NOL4: variants seen among roughly 807,000 people sequenced by gnomAD.
NOL4 encodes cancer/testis antigen 125.
NOL4 carries 17 observed loss-of-function variants against 75.9 expected under a neutral mutation model. That is an observed-to-expected ratio of 0.22 (90% CI 0.15 to 0.34). The LOEUF (loss-of-function observed/expected upper bound fraction) is 0.34. NOL4 is among the 10% of genes least tolerant of loss of function. The probability of loss-of-function intolerance (pLI) is 1.00; values close to 1 mark genes in which losing one functional copy is unlikely to be tolerated. For synonymous variants in NOL4, 292 were observed against 289.9 expected, an observed-to-expected ratio of 1.01 and a Z score of -0.07; for missense variants, 614 against 793.5, an observed-to-expected ratio of 0.77 and a Z score of 2.72.
intron 9 of NOL4, among the ~76,000 whole-genome samples, chr18:33,931,492 A>G (rs1459273321): frequency 1.3e-5 from 2 of 152,088 alleles, no homozygotes; most frequent in African/African-American, 4.8e-5. Flanking sequence ...GTACTTTGGG[A>G]GGCCGAAGTT....
intron 6 of NOL4, among the ~76,000 whole-genome samples, chr18:33,992,817 C>G (rs1275880568): frequency 6.6e-6 from 1 of 152,016 alleles, no homozygotes; most frequent in Non-Finnish European, 1.5e-5. Context: ...GTAGAGGTGT[C>G]AGTTGGAGAG....
chr18:33,883,834 T>C (rs1197842222), intron 9 of NOL4, among the ~76,000 whole-genome samples: 1 of 152,134 alleles, frequency 6.6e-6, no homozygotes, highest in Non-Finnish European at 1.5e-5. Flanking sequence ...AAGGACATTG[T>C]GCAAAGTGAT....
intron 10 of NOL4, among the ~76,000 whole-genome samples, chr18:33,868,754 G>C (rs2063554027): frequency 6.6e-6 from 1 of 150,626 alleles, no homozygotes; most frequent in African/African-American, 2.4e-5. Flanking sequence ...TTGGGACAAT[G>C]AAAATCTATA....
Position 34,093,465 on chromosome 18 carries a change from C to A in NOL4, c.772G>T (p.Asp258Tyr). Residue 258 changes from aspartate to tyrosine, a missense_variant and splice_region_variant, in exon 5 of 11, where the codon GAT (aspartate) becomes TAT (tyrosine). By Grantham distance (160) the Asp-to-Tyr change is radical. Around this residue, in one of 9 missense-constraint regions of NOL4, gnomAD observed 135 missense variants for 220.4 expected, o/e 0.61. Transcript: ENST00000261592. ...TATTTAGTCAAACTGAAAGGCTTAC[C>A]ATCTTGCTGGCCATGAAGATTCTGG... is the stretch of plus-strand genomic sequence containing the variant. ...SPQNLHGQQD[D>Y]DSAAESFNGN... 1 of 1,572,568 alleles carries A rather than the reference C, an allele frequency of 6.4e-7. No homozygotes were observed. The highest frequency in any genetic ancestry group is 8.6e-7 in the Non-Finnish European group (1 of 1,157,202).
At chr18:34,065,494 C>A (rs929881087) in intron 5 of NOL4, among the ~76,000 whole-genome samples, 1 of 151,890 alleles carries the variant, frequency 6.6e-6, no homozygotes, top group Non-Finnish European at 1.5e-5. Context: ...AAAGTAACTA[C>A]CCAATAATTT....
At chr18:33,862,480 G>A (rs963675612) in intron 10 of NOL4, among the ~76,000 whole-genome samples, 25 of 151,982 alleles carry the variant, frequency 1.6e-4, no homozygotes, top group Admixed American at 1.2e-3. Flanking sequence ...AGAGTGAACC[G>A]GCAACGCACA....
intron 9 of NOL4, among the ~76,000 whole-genome samples, chr18:33,893,523 T>C (rs1018857299): frequency 6.6e-6 from 1 of 152,162 alleles, no homozygotes; most frequent in Non-Finnish European, 1.5e-5. Context: ...CGATTCAACT[T>C]TTTGACAATA....
At chr18:33,983,331 C>T (rs1600144531) in intron 6 of NOL4, among the ~76,000 whole-genome samples, 1 of 151,996 alleles carries the variant, frequency 6.6e-6, no homozygotes, top group East Asian at 1.9e-4. Flanking sequence ...GAACTATGGA[C>T]TTTAAGTGAT....
chr18:33,960,823 T>C (rs1441472225), intron 6 of NOL4, among the ~76,000 whole-genome samples: 2 of 152,146 alleles, frequency 1.3e-5, no homozygotes, highest in East Asian at 1.9e-4. Context: ...GTTATTGTTA[T>C]AATATCAGTA....
chr18:34,064,831 T>C (rs1386905480), intron 5 of NOL4, among the ~76,000 whole-genome samples: 1 of 151,806 alleles, frequency 6.6e-6, no homozygotes, highest in African/African-American at 2.4e-5. Flanking sequence ...GTATGTTCTA[T>C]ATTTTCTATC....
intron 5 of NOL4, among the ~76,000 whole-genome samples, chr18:34,091,577 G>A (rs2145526815): frequency 6.6e-6 from 1 of 152,180 alleles, no homozygotes; most frequent in South Asian, 2.1e-4. Flanking sequence ...AACTGTGAGA[G>A]ATAAATTTCT....
intron 1 of NOL4, among the ~76,000 whole-genome samples, chr18:34,173,161 C>T (rs1423813444): frequency 6.6e-6 from 1 of 151,970 alleles, no homozygotes; most frequent in East Asian, 1.9e-4. Context: ...AAGACAAATA[C>T]TGAATGATTT....
intron 2 of NOL4, among the ~76,000 whole-genome samples, chr18:34,105,719 TG>T (rs1005204441): frequency 1.8e-4 from 28 of 152,114 alleles, no homozygotes; most frequent in Admixed American, 1.7e-3. Flanking sequence ...ATGACACATC[TG>T]GAAATGCATT....
In NOL4 at chr18:34,105,251, G is replaced by T. The variant is rs529963386; in HGVS notation, c.415-91C>A. 3 of 826,178 alleles carry T rather than the reference G, an allele frequency of 3.6e-6. No individual in the cohort carries two copies. The South Asian group carries it at 4.4e-5, about 12-fold the overall frequency. 51.2% of individuals were successfully genotyped at this position (826,178 alleles called of 1,614,324 possible). On this transcript the variant is annotated intron_variant, in intron 2 of 10. Transcript: ENST00000261592. ...ATCATTGTATTTCCAAATAAGACAC[G>T]TTATTCCATAATGGCAGGAAGCACA...
At chr18:34,066,542 C>T (rs1056024860) in intron 5 of NOL4, among the ~76,000 whole-genome samples, 2 of 151,970 alleles carry the variant, frequency 1.3e-5, no homozygotes, top group Admixed American at 1.3e-4. Context: ...TTACACTGTA[C>T]ACCCCAACCT....
intron 6 of NOL4, among the ~76,000 whole-genome samples, chr18:33,968,485 A>G (rs9963166): frequency 0.014 from 2,154 of 152,320 alleles, 55 homozygotes; most frequent in African/African-American, 0.05. Context: ...ACATGGATGC[A>G]GCTGTAGGTC....
intron 6 of NOL4, among the ~76,000 whole-genome samples, chr18:34,007,388 T>C (rs1246735693): frequency 6.6e-6 from 1 of 151,960 alleles, no homozygotes; most frequent in African/African-American, 2.4e-5. Context: ...AAAAGAAAGA[T>C]TGGGTTTAAT....
intron 1 of NOL4, among the ~76,000 whole-genome samples, chr18:34,189,024 T>C (rs1568433082): frequency 6.6e-6 from 1 of 152,180 alleles, no homozygotes; most frequent in Non-Finnish European, 1.5e-5. Context: ...TGGCAATGTC[T>C]TAGTCTGTTC....
intron 6 of NOL4, among the ~76,000 whole-genome samples, chr18:33,987,240 G>C (rs1166611175): frequency 3.9e-5 from 6 of 152,054 alleles, no homozygotes. Context: ...TTTGCTTTGG[G>C]GGATAGGGGC....
Sources: allele counts gnomAD v4.1 joint callset (sites outside exome capture counted in the v4.1 genomes callset), GRCh38; gene constraint gnomAD v4.1.1; regional missense constraint gnomAD v4.1.1; transcripts MANE v1.5; gene names NCBI Gene and HGNC (gene_info 2026-07-23, HGNC 2026-07-21).